The following ITIH5 variants were observed in gnomAD, a reference collection of about 807,000 sequenced individuals.
The protein encoded by ITIH5 is inter-alpha-trypsin inhibitor heavy chain 5.
Under a neutral mutation model 77.5 loss-of-function variants are expected in ITIH5, and 65 were observed. That is an observed-to-expected ratio of 0.84 (90% CI 0.69 to 1.03). ITIH5 has a LOEUF of 1.03. Ranked by LOEUF, ITIH5 falls within the 50% of genes least tolerant of loss-of-function variation. The pLI, the probability that ITIH5 is intolerant of heterozygous loss-of-function variation, is 0.00. For missense variants in ITIH5, 1,208 were observed against 1,213.1 expected, an observed-to-expected ratio of 1.00 and a Z score of 0.06; for synonymous variants, 525 against 494.3, an observed-to-expected ratio of 1.06 and a Z score of -0.82.
At chr10:7,637,205 C>G in intron 5 of ITIH5, 23 bp downstream of exon 5, 1 of 1,597,296 alleles carries the variant, frequency 6.3e-7, no homozygotes, top group Non-Finnish European at 8.5e-7. Flanking sequence ...CAGATCTGCA[C>G]GAACCCAGCA....
chr10:7,615,876 G>T (rs1321065661), intron 7 of ITIH5, 106 bp downstream of exon 7: 9 of 724,514 alleles, frequency 1.2e-5, no homozygotes, highest in Non-Finnish European at 2.3e-5. Flanking sequence ...GGAATCGCTG[G>T]ATGGTAAAGC....
In ITIH5 at chr10:7,562,392, T is replaced by C. The variant is rs10795550; in HGVS notation, c.*691A>G. The C allele has an allele frequency of 0.89, 135,455 of 152,294 alleles. 62,226 individuals are homozygous for C. Among genetic ancestry groups the C allele is most frequent in the Non-Finnish European group, 0.99 (67,714 of 68,096 alleles). 9.4% of individuals were successfully genotyped at this position (152,294 alleles called of 1,614,324 possible). ...AAAGTCAAGTGGTTTACAAAGCCCATTAGAAAGAGATCAGTATCTGAGCTG... is the reference window on the plus strand; with the variant it reads ...AAAGTCAAGTGGTTTACAAAGCCCACTAGAAAGAGATCAGTATCTGAGCTG... On this transcript the variant is annotated 3_prime_UTR_variant, in exon 14 of 14. Transcript: ENST00000397146.
chr10:7,606,505 G>A (rs905026608), intron 7 of ITIH5, among the ~76,000 whole-genome samples: 1 of 152,182 alleles, frequency 6.6e-6, no homozygotes, highest in African/African-American at 2.4e-5. Context: ...CCCAGGAACT[G>A]AAAAACAAAT....
chr10:7,633,913 C>T (rs1455955186), intron 5 of ITIH5, among the ~76,000 whole-genome samples: 1 of 151,688 alleles, frequency 6.6e-6, no homozygotes, highest in Non-Finnish European at 1.5e-5. Flanking sequence ...CACAGTGAAA[C>T]CTCGTCTCTA....
At chr10:7,566,844 G>GGAAGAAGAAGAAGAAGAA (rs576015885) in intron 12 of ITIH5, among the ~76,000 whole-genome samples, 1 of 17,798 alleles carries the variant, frequency 5.6e-5, no homozygotes, top group African/African-American at 3.0e-4. Flanking sequence ...AAGAGGAAGA[G>GGAAGAAGAAGAAGAAGAA]GAAGAAGAAG....
In ITIH5 at chr10:7,576,992, G is replaced by T; in HGVS notation, c.1439C>A (p.Thr480Asn). Residue 480 changes from threonine (T) to asparagine (N), a missense_variant, in exon 10 of 14, where the codon ACC (threonine) becomes AAC (asparagine). Transcript: ENST00000397146. ...GATGCGGATGTCAGAGAGGAGCGGGGTCCTGATTTCATCGTAGAACCTGCA... is the reference window on the plus strand; with the variant it reads ...GATGCGGATGTCAGAGAGGAGCGGGTTCCTGATTTCATCGTAGAACCTGCA... The part of the protein sequence containing the change: ...QLIGFYDEIR[T>N]PLLSDIRIDY... 1 of 1,610,544 alleles carries T rather than the reference G, an allele frequency of 6.2e-7. No individual in the cohort carries two copies. Among genetic ancestry groups the T allele is most frequent in the Non-Finnish European group, 8.5e-7 (1 of 1,177,468 alleles).
intron 5 of ITIH5, chr10:7,621,672 T>C (rs1833476120): frequency 2.0e-5 from 3 of 151,968 alleles, no homozygotes; most frequent in South Asian, 2.1e-4. Context: ...CTCTAGAAAA[T>C]AGAATCATCT....
chr10:7,663,572 A>C (rs1460524477), intron 1 of ITIH5, among the ~76,000 whole-genome samples: 1 of 152,224 alleles, frequency 6.6e-6, no homozygotes, highest in Non-Finnish European at 1.5e-5. Flanking sequence ...CTAAATAAAT[A>C]GTCATTTTAG....
At chr10:7,644,623 TCA>T (rs1418498946) in intron 2 of ITIH5, among the ~76,000 whole-genome samples, 1 of 122,136 alleles carries the variant, frequency 8.2e-6, no homozygotes. Flanking sequence ...CACATATATA[TCA>T]CATATATCAC....
At chr10:7,567,099 A>C (rs1832201418) in intron 12 of ITIH5, among the ~76,000 whole-genome samples, 1 of 151,806 alleles carries the variant, frequency 6.6e-6, no homozygotes, top group Non-Finnish European at 1.5e-5. Context: ...CGGATTTTTT[A>C]CTGTTGTCTG....
intron 2 of ITIH5, among the ~76,000 whole-genome samples, chr10:7,644,012 G>A (rs918339633): frequency 6.6e-6 from 1 of 152,154 alleles, no homozygotes; most frequent in East Asian, 1.9e-4. Context: ...AGGCCAAGGT[G>A]GACAGATCAC....
chr10:7,579,345 G>A (rs998769921), intron 9 of ITIH5, among the ~76,000 whole-genome samples: 1 of 152,174 alleles, frequency 6.6e-6, no homozygotes, highest in African/African-American at 2.4e-5. Context: ...GACCAACATG[G>A]AGAAACCTTG....
chr10:7,590,175 C>A (rs896761748), intron 7 of ITIH5, among the ~76,000 whole-genome samples: 3 of 152,118 alleles, frequency 2.0e-5, no homozygotes, highest in Non-Finnish European at 4.4e-5. Flanking sequence ...TTAAATCTCC[C>A]TCTCCTCGCT....
intron 13 of ITIH5, 122 bp from the exon 14 acceptor site, chr10:7,563,506 T>C: frequency 2.6e-6 from 2 of 776,882 alleles, no homozygotes; most frequent in South Asian, 1.8e-5. Flanking sequence ...GACTGGACTC[T>C]CCCAGTGACA....
At chr10:7,634,947 G>A (rs1469727224) in intron 5 of ITIH5, among the ~76,000 whole-genome samples, 4 of 152,078 alleles carry the variant, frequency 2.6e-5, no homozygotes, top group Non-Finnish European at 5.9e-5. Context: ...ATTTGTGTTT[G>A]CTTTTCTTTT....
intron 7 of ITIH5, among the ~76,000 whole-genome samples, chr10:7,601,524 G>A (rs536201722): frequency 6.6e-5 from 10 of 152,242 alleles, no homozygotes; most frequent in African/African-American, 2.2e-4. Flanking sequence ...AGTCTGCTCC[G>A]TAGGAACTCT....
At chr10:7,639,397 T>C (rs1833848174) in intron 4 of ITIH5, among the ~76,000 whole-genome samples, 1 of 152,246 alleles carries the variant, frequency 6.6e-6, no homozygotes, top group Admixed American at 6.5e-5. Context: ...ATTTTGTGCC[T>C]TTGAAAATCC....
chr10:7,566,312 T>C lies in ITIH5; in HGVS notation c.2245A>G (p.Asn749Asp). 2.5e-6 allele frequency: 4 copies of C among 1,613,730 alleles called. No homozygotes were observed. The highest frequency in any genetic ancestry group is 1.3e-5 in the African/African-American group (1 of 74,944). ...TYLRTITILI[N>D]KPERSYLEIT... ...TCGAGATAAGATCTCTCTGGCTTGT[T>C]GATGAGGATGGTGATAGTGCGCAAG... The change falls in exon 13 of 14, where the codon AAC becomes GAC. Residue 749 changes from asparagine (N) to aspartate (D), a missense_variant. Asn to Asp is a conservative substitution (Grantham distance 23). Transcript: ENST00000397146.
chr10:7,566,401 G>A lies in ITIH5; in HGVS notation c.2156C>T (p.Thr719Ile), dbSNP rs531978350. ...LVSDHRDSGV[T>I]VNGELIGAPA... The stretch of plus-strand genomic sequence containing the variant: ...TGCCCCAATTAACTCTCCGTTCACT[G>A]TGACACCTCAAAGGCCAAGGGGAAA... The change falls in exon 13 of 14, where the codon ACA (threonine) becomes ATA (isoleucine). Residue 719 changes from threonine (T) to isoleucine (I), a missense_variant. By Grantham distance (89) the Thr-to-Ile change is moderately conservative. Coordinates refer to ENST00000397146, the MANE Select transcript of ITIH5 (RefSeq NM_030569.7). The A allele has an allele frequency of 8.4e-5, 134 of 1,595,762 alleles. 1 individual carries two copies. In the South Asian group the frequency reaches 1.4e-3, roughly 16 times the overall value.
Sources: allele counts gnomAD v4.1 joint callset (sites outside exome capture counted in the v4.1 genomes callset), GRCh38; gene constraint gnomAD v4.1.1; transcripts MANE v1.5; gene names NCBI Gene and HGNC (gene_info 2026-07-23, HGNC 2026-07-21).